Variants in C1orf21 observed in about 807,000 individuals in gnomAD.
The protein encoded by C1orf21 is uncharacterized protein C1orf21.
C1orf21 carries 3 observed loss-of-function variants against 18.7 expected under a neutral mutation model. That is an observed-to-expected ratio of 0.16 (90% CI 0.07 to 0.42). The LOEUF is 0.42. Ranked by LOEUF, C1orf21 falls within the 10% of genes least tolerant of loss-of-function variation. The pLI, the probability that C1orf21 is intolerant of heterozygous loss-of-function variation, is 0.99. For synonymous variants in C1orf21, 41 were observed against 46.4 expected (o/e 0.88, Z 0.47); for missense variants, 104 against 143.6 (o/e 0.72, Z 1.41).
intron 5 of C1orf21, among the ~76,000 whole-genome samples, chr1:184,617,133 C>T (rs1383231202): frequency 6.6e-6 from 1 of 152,186 alleles, no homozygotes; most frequent in East Asian, 1.9e-4. Context: ...TTATTGACTA[C>T]TTGCCAGACA....
At chr1:184,544,422 G>A (rs1480828702) in intron 3 of C1orf21, among the ~76,000 whole-genome samples, 1 of 152,108 alleles carries the variant, frequency 6.6e-6, no homozygotes, top group Non-Finnish European at 1.5e-5. Flanking sequence ...ACAGGTCAAA[G>A]CAATCAGATG....
At chr1:184,515,100 C>A (rs779152976) in intron 3 of C1orf21, among the ~76,000 whole-genome samples, 5 of 152,160 alleles carry the variant, frequency 3.3e-5, no homozygotes, top group Non-Finnish European at 7.3e-5. Context: ...ATAAGGTATA[C>A]CTATAACCTC....
intron 3 of C1orf21, among the ~76,000 whole-genome samples, chr1:184,527,418 T>C (rs1658393801): frequency 6.6e-6 from 1 of 152,062 alleles, no homozygotes; most frequent in Non-Finnish European, 1.5e-5. Flanking sequence ...CAAATTAGTG[T>C]CTAAATGACA....
chr1:184,511,141 T>C (rs1274001528), intron 3 of C1orf21, among the ~76,000 whole-genome samples: 1 of 152,188 alleles, frequency 6.6e-6, no homozygotes, highest in Non-Finnish European at 1.5e-5. Context: ...GAGGAAAATA[T>C]AAGGTATCCA....
In C1orf21 at chr1:184,558,323, G is replaced by A. The variant is rs1658907822; in HGVS notation, c.190-32416G>A. ...TCAGTAAATTATTCATGATTTCTATGGCCCTGATTTGTGTAATGACTGCTA... is the reference window on the plus strand; with the variant it reads ...TCAGTAAATTATTCATGATTTCTATAGCCCTGATTTGTGTAATGACTGCTA... On this transcript the variant is annotated intron_variant, in intron 3 of 5. Coordinates refer to ENST00000235307, the MANE Select transcript of C1orf21 (RefSeq NM_030806.4). Among the ~76,000 whole-genome samples, 3 of 152,140 alleles carry A rather than the reference G, an allele frequency of 2.0e-5. No homozygotes were observed. In the South Asian group the frequency reaches 6.2e-4, roughly 31 times the overall value.
At chr1:184,563,845 G>C (rs1658997661) in intron 3 of C1orf21, among the ~76,000 whole-genome samples, 1 of 152,202 alleles carries the variant, frequency 6.6e-6, no homozygotes. Flanking sequence ...TCCACAAGGT[G>C]GACAGAGAAT....
rs757780540 is a variant in C1orf21, at chr1:184,395,317, T to A, written c.-125+7949T>A. Among the ~76,000 whole-genome samples the A allele has an allele frequency of 5.7e-4, 86 of 152,158 alleles. 1 individual carries two copies. The highest frequency in any genetic ancestry group is 1.1e-3 in the Non-Finnish European group (73 of 68,036). The stretch of plus-strand genomic sequence containing the variant: ...TGTCATTGATCCTGAGGCTCACAGT[T>A]TCTGTCTATGAAGACCTTGCTCCCG... On this transcript the variant is annotated intron_variant, in intron 1 of 5. Transcript: ENST00000235307.
chr1:184,469,571 G>T lies in C1orf21; in HGVS notation c.-124-7815G>T, dbSNP rs1159254672. On this transcript the variant is annotated intron_variant, in intron 1 of 5. Transcript: ENST00000235307. ...TCATCTGGCACCATGAAAGTAAACT[G>T]CAGGTTTCTGAGAGATTAATCCAGC... Among the ~76,000 whole-genome samples, 4 of 152,196 alleles carry T rather than the reference G, an allele frequency of 2.6e-5. No homozygotes were observed. In the South Asian group the frequency reaches 6.2e-4, roughly 24 times the overall value.
Position 184,626,907 on chromosome 1 carries a change from A to C in C1orf21, c.*7351A>C, listed in dbSNP as rs1318253026. 1 of 152,526 alleles carries C rather than the reference A, an allele frequency of 6.6e-6. No individual in the cohort carries two copies. The highest frequency in any genetic ancestry group is 1.5e-5 in the Non-Finnish European group (1 of 68,042). 9.4% of individuals were successfully genotyped at this position (152,526 alleles called of 1,614,324 possible). A position where few individuals can be genotyped will look rare whatever the true frequency, so the allele number is the denominator to read the frequency against. On this transcript the variant is annotated 3_prime_UTR_variant, in exon 6 of 6. Transcript: ENST00000235307. ...GACCCAGGGATGAGAATGCACCCTA[A>C]AATAAATATACGGGAAGCAGCAGAG...
At chr1:184,471,117 A>T (rs1657490382) in intron 1 of C1orf21, among the ~76,000 whole-genome samples, 1 of 152,180 alleles carries the variant, frequency 6.6e-6, no homozygotes, top group Non-Finnish European at 1.5e-5. Flanking sequence ...TTTCTGGTGC[A>T]GGAGAAATGT....
rs150018994 is a variant in C1orf21, at chr1:184,465,575, G to T, written c.-124-11811G>T. Among the ~76,000 whole-genome samples the T allele has an allele frequency of 8.6e-4, 131 of 152,174 alleles. No individual in the cohort carries two copies. The East Asian group carries it at 0.013, about 15-fold the overall frequency. On this transcript the variant is annotated intron_variant, in intron 1 of 5. Coordinates refer to ENST00000235307, the MANE Select transcript of C1orf21 (RefSeq NM_030806.4). Reference sequence around the variant, plus strand: ...TTTTTATCGGCCTGTTCCTGGGGTGGTAATGGCAGTGATGTAATAGAGGTG... The same window carrying T: ...TTTTTATCGGCCTGTTCCTGGGGTGTTAATGGCAGTGATGTAATAGAGGTG...
intron 3 of C1orf21, among the ~76,000 whole-genome samples, chr1:184,564,212 G>A (rs185235536): frequency 4.5e-4 from 68 of 152,310 alleles, no homozygotes; most frequent in African/African-American, 1.5e-3. Context: ...CTACTCTAGA[G>A]TTAGAATATA....
At position 184,620,464 on chromosome 1, in the gene C1orf21, G is replaced by C. The variant is rs1350602393; in HGVS notation, c.*908G>C. On this transcript the variant is annotated 3_prime_UTR_variant, in exon 6 of 6. Transcript: ENST00000235307. ...TCCATTAAGAATCTACCAAGCATTAGCAAGGCTGAAAGTGGTCTAAGAGGT... is the reference window on the plus strand; with the variant it reads ...TCCATTAAGAATCTACCAAGCATTACCAAGGCTGAAAGTGGTCTAAGAGGT... 6.6e-6 allele frequency: 1 copy of C among 152,492 alleles called. No individual in the cohort carries two copies. The highest frequency in any genetic ancestry group is 2.1e-4 in the South Asian group (1 of 4,828). The allele number at this position is 152,492 out of a possible 1,614,324, so 9.4% of individuals were successfully genotyped here.
intron 1 of C1orf21, among the ~76,000 whole-genome samples, chr1:184,389,285 A>C (rs2102055080): frequency 6.6e-6 from 1 of 152,260 alleles, no homozygotes; most frequent in South Asian, 2.1e-4. Flanking sequence ...GCTTTGTCAC[A>C]ACTGGGCATG....
At chr1:184,425,605 C>T (rs976261895) in intron 1 of C1orf21, among the ~76,000 whole-genome samples, 2 of 152,072 alleles carry the variant, frequency 1.3e-5, no homozygotes, top group Non-Finnish European at 2.9e-5. Context: ...CTGCCTTACC[C>T]ATGGTCTCCA....
chr1:184,613,342 C>T (rs368878767), intron 5 of C1orf21, among the ~76,000 whole-genome samples: 1 of 152,074 alleles, frequency 6.6e-6, no homozygotes, highest in South Asian at 2.1e-4. Context: ...AACAAATCCC[C>T]CATGGATAAG....
At chr1:184,563,091 G>A (rs1409303549) in intron 3 of C1orf21, among the ~76,000 whole-genome samples, 1 of 152,172 alleles carries the variant, frequency 6.6e-6, no homozygotes, top group African/African-American at 2.4e-5. Context: ...GAGAGTTAGA[G>A]CTAAGATTTC....
At chr1:184,545,071 A>G (rs759077202) in intron 3 of C1orf21, among the ~76,000 whole-genome samples, 8 of 152,230 alleles carry the variant, frequency 5.3e-5, no homozygotes, top group Non-Finnish European at 1.2e-4. Flanking sequence ...TATTGATCAC[A>G]TAGACCAACC....
chr1:184,569,064 T>G (rs1302318614), intron 3 of C1orf21, among the ~76,000 whole-genome samples: 1 of 152,208 alleles, frequency 6.6e-6, no homozygotes, highest in Non-Finnish European at 1.5e-5. Context: ...TGTAAACAGA[T>G]AAGCCAAGGC....
Sources: gnomAD v4.1 joint callset for allele counts (sites outside exome capture counted in the v4.1 genomes callset) on GRCh38, gnomAD v4.1.1 for gene constraint, MANE v1.5 for transcripts, NCBI Gene and HGNC (gene_info 2026-07-23, HGNC 2026-07-21) for gene names.